NCKAP5: variants seen among roughly 807,000 people sequenced by gnomAD.
NCKAP5 encodes NCK associated protein 5.
Under a neutral mutation model 167.0 loss-of-function variants are expected in NCKAP5, and 92 were observed. The ratio of observed to expected loss-of-function variants is 0.55; its 90% confidence interval spans 0.47 to 0.66. NCKAP5 has a LOEUF of 0.66. Ranked by LOEUF, NCKAP5 falls within the 30% of genes least tolerant of loss-of-function variation. NCKAP5 has a pLI of 0.00. For synonymous variants in NCKAP5, 891 were observed against 877.4 expected, an observed-to-expected ratio of 1.02 and a Z score of -0.27; for missense variants, 2,378 against 2,315.0, an observed-to-expected ratio of 1.03 and a Z score of -0.56.
Position 132,785,247 on chromosome 2 carries a change from G to T in NCKAP5, c.1564C>A (p.Leu522Met). ...GGATAAACTGAGGATGTGCCTTCCA[G>T]AAAGTGTTTTCTGTTTGTCTCCCAG... ...FGWETNRKHF[L>M]EGTSSVYPKE... Residue 522 changes from leucine to methionine, a missense_variant, in exon 14 of 20, where the codon CTG becomes ATG. By Grantham distance (15) the Leu-to-Met change is conservative. Around this residue, in one of 3 missense-constraint regions of NCKAP5, gnomAD observed 1,049 missense variants for 1,023.4 expected, o/e 1.02. Transcript: ENST00000409261. The T allele has an allele frequency of 6.4e-7, 1 of 1,571,286 alleles. No homozygotes were observed. Among genetic ancestry groups the T allele is most frequent in the Non-Finnish European group, 8.6e-7 (1 of 1,159,494 alleles).
chr2:132,783,550 C>T lies in NCKAP5; in HGVS notation c.3261G>A (p.Gly1087=). 2.5e-6 allele frequency: 4 copies of T among 1,613,908 alleles called. No individual in the cohort carries two copies. Among genetic ancestry groups the T allele is most frequent in the Non-Finnish European group, 3.4e-6 (4 of 1,179,860 alleles). ...EMTSSKSVSP[G]RKGQLNDSAS... is the part of the protein sequence containing the mutation. The stretch of plus-strand genomic sequence containing the variant: ...CGCTATCATTCAATTGTCCTTTTCT[C>T]CCTGGAGATACACTTTTGGAGGACG... Residue 1087 remains glycine (G), a synonymous_variant, in exon 14 of 20, where the codon GGG becomes GGA. Coordinates refer to ENST00000409261, the MANE Select transcript of NCKAP5 (RefSeq NM_207363.3).
At chr2:132,761,464 G>A (rs1681000851) in intron 16 of NCKAP5, among the ~76,000 whole-genome samples, 1 of 152,194 alleles carries the variant, frequency 6.6e-6, no homozygotes, top group African/African-American at 2.4e-5. Context: ...GCATTCTCTT[G>A]CTCCTATGGA....
intron 19 of NCKAP5, among the ~76,000 whole-genome samples, chr2:132,692,006 C>T (rs554196828): frequency 2.6e-4 from 39 of 152,274 alleles, no homozygotes; most frequent in Non-Finnish European, 4.3e-4. Context: ...TTCTTTACCT[C>T]TTACAAAACC....
At chr2:132,820,333 C>T (rs1686620758) in intron 11 of NCKAP5, among the ~76,000 whole-genome samples, 1 of 151,692 alleles carries the variant, frequency 6.6e-6, no homozygotes, top group African/African-American at 2.4e-5. Context: ...GGGTTCACGC[C>T]ATTCTCCTGC....
chr2:133,491,186 C>T (rs1014953331), intron 3 of NCKAP5, among the ~76,000 whole-genome samples: 2 of 152,172 alleles, frequency 1.3e-5, no homozygotes, highest in African/African-American at 4.8e-5. Flanking sequence ...CCATGTTAGG[C>T]ATCAGAGAAT....
intron 4 of NCKAP5, among the ~76,000 whole-genome samples, chr2:133,221,150 C>G (rs2086646938): frequency 6.6e-6 from 1 of 151,944 alleles, no homozygotes; most frequent in South Asian, 2.1e-4. Context: ...CTTGATCTTT[C>G]CAGGAAAATA....
chr2:133,259,115 G>A (rs542183710), intron 4 of NCKAP5, among the ~76,000 whole-genome samples: 2 of 152,212 alleles, frequency 1.3e-5, no homozygotes, highest in African/African-American at 4.8e-5. Flanking sequence ...CCTCTGCGGG[G>A]TAGAGTGCTC....
chr2:133,639,563 A>T, the NCKAP5 span, among the ~76,000 whole-genome samples: 1 of 152,176 alleles, frequency 6.6e-6, no homozygotes, highest in Non-Finnish European at 1.5e-5. Context: ...TTTTACCTTC[A>T]GACTGTTTGA....
chr2:133,341,410 T>C lies in NCKAP5; in HGVS notation c.70-38300A>G, dbSNP rs771852224. The stretch of plus-strand genomic sequence containing the variant: ...GTGGGCTCTCTTGCTTAGAGGAATA[T>C]AGGATGCTCCACTGGGAAGAGAAAT... On this transcript the variant is annotated intron_variant, in intron 3 of 19. Transcript: ENST00000409261. 1.6e-3 allele frequency among the ~76,000 whole-genome samples: 246 copies of C among 152,158 alleles called. 4 individuals carry two copies. Among genetic ancestry groups the C allele is most frequent in the Non-Finnish European group, 2.6e-3 (175 of 68,000 alleles).
chr2:132,830,474 T>C (rs113818989), intron 11 of NCKAP5, among the ~76,000 whole-genome samples: 2 of 151,782 alleles, frequency 1.3e-5, no homozygotes, highest in Non-Finnish European at 2.9e-5. Context: ...AGTATCTCAC[T>C]CCCGAAGAAC....
At chr2:133,219,353 G>T (rs748516910) in intron 4 of NCKAP5, among the ~76,000 whole-genome samples, 11 of 152,198 alleles carry the variant, frequency 7.2e-5, no homozygotes, top group African/African-American at 2.4e-4. Context: ...AGCAGAATTT[G>T]CAAGAACAGC....
At chr2:132,705,879 T>A (rs954479253) in intron 19 of NCKAP5, among the ~76,000 whole-genome samples, 3 of 152,166 alleles carry the variant, frequency 2.0e-5, no homozygotes, top group Non-Finnish European at 4.4e-5. Flanking sequence ...AGAATTGGGA[T>A]TAGAATCTAG....
intron 3 of NCKAP5, among the ~76,000 whole-genome samples, chr2:133,335,437 C>A (rs536786858): frequency 1.3e-5 from 2 of 152,016 alleles, no homozygotes; most frequent in African/African-American, 2.4e-5. Flanking sequence ...TAATTGCAAG[C>A]GAAAATTTTG....
chr2:133,638,030 T>G, the NCKAP5 span, among the ~76,000 whole-genome samples: 1 of 152,136 alleles, frequency 6.6e-6, no homozygotes. Context: ...AAATTAAGAT[T>G]CCGATGATAG....
chr2:133,118,857 C>A (rs1206815343), intron 6 of NCKAP5: 1 of 152,064 alleles, frequency 6.6e-6, no homozygotes, highest in Admixed American at 6.6e-5. Context: ...AACACTGACT[C>A]AATCTTCAGC....
intron 4 of NCKAP5, chr2:133,268,945 A>T (rs1408597878): frequency 6.6e-6 from 1 of 152,196 alleles, no homozygotes; most frequent in Non-Finnish European, 1.5e-5. Context: ...GACTAATTTA[A>T]CTAACATTGT....
Position 133,547,323 on chromosome 2 carries a change from C to A in NCKAP5, c.-62+11727G>T, listed in dbSNP as rs1297759744. ...GGGAGGGGCACCCGCCATTGCCCAG[C>A]CTTGATTAGGTAAACAAAGCAGCCA... On this transcript the variant is annotated intron_variant, in intron 2 of 19. Transcript: ENST00000409261. Among the ~76,000 whole-genome samples the A allele has an allele frequency of 2.0e-5, 3 of 152,294 alleles. No individual in the cohort carries two copies. The East Asian group carries it at 5.8e-4, about 29-fold the overall frequency.
In NCKAP5 at chr2:132,773,710, T is replaced by C. The variant is rs1465983512; in HGVS notation, c.5128+106A>G. 1.7e-5 allele frequency: 15 copies of C among 880,004 alleles called. No individual in the cohort carries two copies. In the African/African-American group the frequency reaches 2.0e-4, roughly 12 times the overall value. The allele number at this position is 880,004 out of a possible 1,614,324, so 54.5% of individuals were successfully genotyped here. A position where few individuals can be genotyped will look rare whatever the true frequency, so the allele number is the denominator to read the frequency against. ...GCAACCATGTGTGAATAGTTAACAC[T>C]CAGTCTTGATAGAGGGACATGGTCT... On this transcript the variant is annotated intron_variant, in intron 16 of 19. Transcript: ENST00000409261.
At chr2:133,090,572 T>C (rs2081142186) in intron 6 of NCKAP5, among the ~76,000 whole-genome samples, 1 of 152,128 alleles carries the variant, frequency 6.6e-6, no homozygotes. Context: ...GCAGACACCT[T>C]GATTACAAAC....
Sources: allele counts gnomAD v4.1 joint callset (sites outside exome capture counted in the v4.1 genomes callset), GRCh38; gene constraint gnomAD v4.1.1; regional missense constraint gnomAD v4.1.1; transcripts MANE v1.5; gene names NCBI Gene and HGNC (gene_info 2026-07-23, HGNC 2026-07-21).